ADK: variants seen among roughly 807,000 people sequenced by gnomAD.
ADK encodes the protein adenosine kinase, also known as N6,N6-dimethyladenosine kinase.
ADK carries 24 observed loss-of-function variants against 44.7 expected under a neutral mutation model. That is an observed-to-expected ratio of 0.54 (90% CI 0.39 to 0.76). ADK has a LOEUF of 0.76. Among genes scored for constraint, ADK ranks in the 30% least tolerant of loss-of-function variants. The pLI, the probability that ADK is intolerant of heterozygous loss-of-function variation, is 0.00. For synonymous variants in ADK, 128 were observed against 142.6 expected, an observed-to-expected ratio of 0.90 and a Z score of 0.73; for missense variants, 321 against 425.1, an observed-to-expected ratio of 0.76 and a Z score of 2.15.
At chr10:74,217,983 T>A (rs1055257968) in intron 2 of ADK, among the ~76,000 whole-genome samples, 23 of 151,470 alleles carry the variant, frequency 1.5e-4, no homozygotes, top group African/African-American at 5.6e-4. Flanking sequence ...CTCCAAAGGA[T>A]CGCAGTTCCT....
intron 4 of ADK, among the ~76,000 whole-genome samples, chr10:74,318,688 T>C (rs1840710760): frequency 6.6e-6 from 1 of 152,218 alleles, no homozygotes; most frequent in Non-Finnish European, 1.5e-5. Flanking sequence ...CAGAGTGTTT[T>C]AAAGTGATGG....
intron 3 of ADK, among the ~76,000 whole-genome samples, chr10:74,264,151 A>G (rs1392651092): frequency 2.0e-5 from 3 of 152,370 alleles, no homozygotes; most frequent in African/African-American, 4.8e-5. Flanking sequence ...ATTATCATAA[A>G]AAGTTTTATA....
intron 9 of ADK, among the ~76,000 whole-genome samples, chr10:74,652,743 C>T (rs1022436892): frequency 4.0e-5 from 6 of 150,542 alleles, no homozygotes; most frequent in Admixed American, 6.6e-5. Context: ...CTGGGCGATA[C>T]GGCGAGACTT....
intron 6 of ADK, among the ~76,000 whole-genome samples, chr10:74,485,356 G>T (rs766740418): frequency 6.6e-6 from 1 of 152,028 alleles, no homozygotes; most frequent in Non-Finnish European, 1.5e-5. Context: ...CAGCAATTCA[G>T]GAGGCTGAGA....
chr10:74,637,127 T>C (rs925681947), intron 9 of ADK, among the ~76,000 whole-genome samples: 2 of 152,240 alleles, frequency 1.3e-5, no homozygotes, highest in African/African-American at 4.8e-5. Flanking sequence ...GTATAACTTA[T>C]AGACACTTTT....
intron 8 of ADK, among the ~76,000 whole-genome samples, chr10:74,590,246 C>T (rs1851669935): frequency 6.6e-6 from 1 of 152,158 alleles, no homozygotes; most frequent in Admixed American, 6.5e-5. Flanking sequence ...AATCTAACCA[C>T]AGCCGAAATG....
At chr10:74,658,486 C>T (rs756851441) in intron 9 of ADK, among the ~76,000 whole-genome samples, 30 of 152,134 alleles carry the variant, frequency 2.0e-4, no homozygotes, top group Non-Finnish European at 3.5e-4. Context: ...GGCTGGAGTG[C>T]AGTGGTGCTA....
chr10:74,707,734 G>A (rs1404910200), intron 10 of ADK, among the ~76,000 whole-genome samples: 1 of 141,666 alleles, frequency 7.1e-6, no homozygotes, highest in Non-Finnish European at 1.5e-5. Flanking sequence ...TTGCACTCCA[G>A]CCTGGGCAAC....
intron 3 of ADK, among the ~76,000 whole-genome samples, chr10:74,249,097 G>A (rs10824129): frequency 0.18 from 26,653 of 151,870 alleles, 2,773 homozygotes; most frequent in African/African-American, 0.29. Context: ...AATTCTCTTC[G>A]GTTGTTGCTG....
At chr10:74,245,899 G>A (rs1211855494) in intron 3 of ADK, among the ~76,000 whole-genome samples, 1 of 152,066 alleles carries the variant, frequency 6.6e-6, no homozygotes, top group African/African-American at 2.4e-5. Context: ...CTGTTCTACA[G>A]TTTTTTATCT....
At chr10:74,415,368 T>G (rs1844332835) in intron 6 of ADK, among the ~76,000 whole-genome samples, 1 of 152,196 alleles carries the variant, frequency 6.6e-6, no homozygotes, top group Non-Finnish European at 1.5e-5. Flanking sequence ...GAGGAAAAAC[T>G]TATAAACATT....
chr10:74,591,447 G>C (rs959730585), intron 8 of ADK, among the ~76,000 whole-genome samples: 2 of 152,082 alleles, frequency 1.3e-5, no homozygotes, highest in African/African-American at 2.4e-5. Flanking sequence ...CACAAGCATT[G>C]CAGAATATAT....
At chr10:74,405,058 A>C (rs1224932418) in intron 6 of ADK, among the ~76,000 whole-genome samples, 1 of 151,372 alleles carries the variant, frequency 6.6e-6, no homozygotes. Context: ...CTCTTTTTTT[A>C]TTTTGTTTCT....
chr10:74,169,466 G>A (rs966108454), intron 1 of ADK, among the ~76,000 whole-genome samples: 13 of 152,170 alleles, frequency 8.5e-5, no homozygotes, highest in Admixed American at 2.6e-4. Context: ...GTAGCTCACA[G>A]AAAATAAAGA....
At chr10:74,257,860 A>C (rs1283966651) in intron 3 of ADK, among the ~76,000 whole-genome samples, 2 of 152,358 alleles carry the variant, frequency 1.3e-5, no homozygotes, top group Non-Finnish European at 2.9e-5. Flanking sequence ...TATTCACTGC[A>C]AACTTATTGT....
At chr10:74,578,708 G>A (rs1193417669) in intron 7 of ADK, among the ~76,000 whole-genome samples, 1 of 152,064 alleles carries the variant, frequency 6.6e-6, no homozygotes, top group African/African-American at 2.4e-5. Flanking sequence ...AAGTGAAGAT[G>A]TATTAGCTAT....
chr10:74,658,480 G>A (rs1194276386), intron 9 of ADK, among the ~76,000 whole-genome samples: 1 of 152,156 alleles, frequency 6.6e-6, no homozygotes, highest in African/African-American at 2.4e-5. Context: ...CACCCAGGCT[G>A]GAGTGCAGTG....
At chr10:74,683,006 T>G (rs1288066626) in intron 10 of ADK, among the ~76,000 whole-genome samples, 2 of 152,232 alleles carry the variant, frequency 1.3e-5, no homozygotes, top group Non-Finnish European at 2.9e-5. Flanking sequence ...GGGTCACAAG[T>G]TGTTATTTGA....
intron 3 of ADK, among the ~76,000 whole-genome samples, chr10:74,225,690 T>C (rs552044517): frequency 1.3e-5 from 2 of 152,354 alleles, no homozygotes; most frequent in African/African-American, 4.8e-5. Flanking sequence ...CACATTCCAC[T>C]ATTATGCTAA....
Sources: gnomAD v4.1 joint callset for allele counts (sites outside exome capture counted in the v4.1 genomes callset) on GRCh38, gnomAD v4.1.1 for gene constraint, MANE v1.5 for transcripts, NCBI Gene and HGNC (gene_info 2026-07-23, HGNC 2026-07-21) for gene names.